Variants in LSAMP observed in about 807,000 individuals in gnomAD.
LSAMP encodes the protein limbic system associated membrane protein, also known as limbic system-associated membrane protein.
Under a neutral mutation model 38.6 loss-of-function variants are expected in LSAMP, and 7 were observed. That is an observed-to-expected ratio of 0.18 (90% CI 0.10 to 0.34). The LOEUF (loss-of-function observed/expected upper bound fraction) is 0.34, where lower values mean the gene tolerates loss of function less well. LSAMP is among the 10% of genes least tolerant of loss of function. The pLI is 1.00. For missense variants in LSAMP, 313 were observed against 420.0 expected, an observed-to-expected ratio of 0.75 and a Z score of 2.23; for synonymous variants, 154 against 166.8, an observed-to-expected ratio of 0.92 and a Z score of 0.59.
chr3:116,188,721 T>G (rs1710682852), intron 1 of LSAMP, among the ~76,000 whole-genome samples: 1 of 152,238 alleles, frequency 6.6e-6, no homozygotes, highest in Non-Finnish European at 1.5e-5. Context: ...AACATGTATT[T>G]CTTGAGCTTC....
chr3:116,199,934 G>T (rs2045966993), intron 1 of LSAMP, among the ~76,000 whole-genome samples: 1 of 152,006 alleles, frequency 6.6e-6, no homozygotes, highest in African/African-American at 2.4e-5. Context: ...ATTTTAGGAA[G>T]ACAGAAACTT....
chr3:116,177,827 A>G (rs1710386746), intron 1 of LSAMP, among the ~76,000 whole-genome samples: 1 of 152,132 alleles, frequency 6.6e-6, no homozygotes, highest in African/African-American at 2.4e-5. Flanking sequence ...CCTAGTTATT[A>G]TGGGGATGAA....
chr3:115,898,804 T>A (rs1251680829), intron 3 of LSAMP, among the ~76,000 whole-genome samples: 1 of 151,968 alleles, frequency 6.6e-6, no homozygotes, highest in Non-Finnish European at 1.5e-5. Flanking sequence ...TTGTGAGGCA[T>A]CTCCAGTGGT....
chr3:116,225,957 C>T (rs1204695237), intron 1 of LSAMP, among the ~76,000 whole-genome samples: 1 of 152,158 alleles, frequency 6.6e-6, no homozygotes, highest in African/African-American at 2.4e-5. Flanking sequence ...CTTGTATTGG[C>T]TCTTTTTGCA....
chr3:116,027,082 A>G (rs1417277641), intron 2 of LSAMP, among the ~76,000 whole-genome samples: 2 of 152,202 alleles, frequency 1.3e-5, no homozygotes, highest in Admixed American at 6.5e-5. Flanking sequence ...CATGAGACAC[A>G]TTTATAAGAA....
chr3:116,163,508 C>T (rs1056036460), intron 1 of LSAMP, among the ~76,000 whole-genome samples: 31 of 151,588 alleles, frequency 2.0e-4, no homozygotes, highest in African/African-American at 7.5e-4. Flanking sequence ...CAAGTCTTTG[C>T]TATTGTGAAT....
intron 3 of LSAMP, among the ~76,000 whole-genome samples, chr3:115,939,530 C>CTCTTTCTCTTTCTT (rs1553751053): frequency 2.7e-4 from 27 of 99,720 alleles, no homozygotes; most frequent in African/African-American, 9.3e-4. Context: ...TGTTCTCTTT[C>CTCTTTCTCTTTCTT]TCTTTCTTTC....
chr3:116,330,555 C>G (rs73149187), intron 1 of LSAMP, among the ~76,000 whole-genome samples: 92 of 152,192 alleles, frequency 6.0e-4, no homozygotes, highest in Admixed American at 1.6e-3. Flanking sequence ...TGCTCCCCCC[C>G]CCACAACCTT....
chr3:116,381,807 C>G lies in LSAMP; in HGVS notation c.155+63070G>C, dbSNP rs550336427. Among the ~76,000 whole-genome samples, 3 of 152,106 alleles carry G rather than the reference C, an allele frequency of 2.0e-5. No individual in the cohort carries two copies. In the East Asian group the frequency reaches 5.8e-4, roughly 29 times the overall value. On this transcript the variant is annotated intron_variant, in intron 1 of 6. Coordinates refer to ENST00000490035, the MANE Select transcript of LSAMP (RefSeq NM_002338.5). ...TTACTTATCTGGATATGTTAACATC[C>G]CCTCTTAGGAGCATCGGCATGTGAA...
At chr3:116,253,420 A>G (rs1224405506) in intron 1 of LSAMP, among the ~76,000 whole-genome samples, 3 of 152,194 alleles carry the variant, frequency 2.0e-5, no homozygotes, top group African/African-American at 7.2e-5. Context: ...TTCCTAGAAC[A>G]TTACATATAG....
At chr3:115,893,407 C>T (rs1936649854) in intron 3 of LSAMP, among the ~76,000 whole-genome samples, 2 of 151,958 alleles carry the variant, frequency 1.3e-5, no homozygotes, top group South Asian at 4.1e-4. Flanking sequence ...GAGTGATCAG[C>T]ACAAAAGAAA....
chr3:116,103,976 T>C (rs1708407413), intron 1 of LSAMP, among the ~76,000 whole-genome samples: 1 of 152,186 alleles, frequency 6.6e-6, no homozygotes, highest in Non-Finnish European at 1.5e-5. Context: ...AAATAGGAAC[T>C]TTATGAAATA....
At position 116,441,043 on chromosome 3, in the gene LSAMP, CT is replaced by C. The variant is rs1382570221; in HGVS notation, c.155+3833del. Among the ~76,000 whole-genome samples, 3 of 152,150 alleles carry C rather than the reference CT, an allele frequency of 2.0e-5. No homozygotes were observed. The East Asian group carries it at 5.8e-4, about 29-fold the overall frequency. Reference sequence around the variant, plus strand: ...ATCAAATCTCCTTTTGTTGTTTCTTCTTTTCCCCCCTTGGTGTAGAAACAAA... The same window carrying C: ...ATCAAATCTCCTTTTGTTGTTTCTTCTTTCCCCCCTTGGTGTAGAAACAAA... On this transcript the variant is annotated intron_variant, in intron 1 of 6. Transcript: ENST00000490035.
At chr3:115,932,759 C>G (rs141269438) in intron 3 of LSAMP, among the ~76,000 whole-genome samples, 1,786 of 152,262 alleles carry the variant, frequency 0.012, 27 homozygotes, top group Non-Finnish European at 0.018. Flanking sequence ...TGATATGTAT[C>G]TAATGACTTC....
chr3:116,356,817 G>A (rs1020819803), intron 1 of LSAMP, among the ~76,000 whole-genome samples: 3 of 151,276 alleles, frequency 2.0e-5, no homozygotes, highest in South Asian at 2.1e-4. Context: ...TTTTTGAGAC[G>A]GAGTCTCGCT....
intron 2 of LSAMP, among the ~76,000 whole-genome samples, chr3:116,030,850 C>T (rs910163128): frequency 3.3e-5 from 5 of 152,086 alleles, no homozygotes; most frequent in Admixed American, 6.6e-5. Flanking sequence ...GATGAAAATT[C>T]GGGTTGCATT....
chr3:115,899,815 A>T (rs773490161), intron 3 of LSAMP, among the ~76,000 whole-genome samples: 25 of 152,174 alleles, frequency 1.6e-4, no homozygotes, highest in Non-Finnish European at 2.8e-4. Flanking sequence ...CTTACTGTCG[A>T]CAACAGAAGT....
chr3:116,296,844 C>T (rs1023534830), intron 1 of LSAMP, among the ~76,000 whole-genome samples: 1 of 151,760 alleles, frequency 6.6e-6, no homozygotes, highest in African/African-American at 2.4e-5. Context: ...GAATCTGCAA[C>T]CATGAAAGAA....
chr3:116,134,925 T>C lies in LSAMP; in HGVS notation c.156-48369A>G, dbSNP rs576512305. ...CTATGGGAATCCACATTAATATATC[T>C]TTCTGAAATTTTGCTGGGCTCTCAA... On this transcript the variant is annotated intron_variant, in intron 1 of 6. Transcript: ENST00000490035. 4.6e-5 allele frequency among the ~76,000 whole-genome samples: 7 copies of C among 152,316 alleles called. No individual in the cohort carries two copies. In the South Asian group the frequency reaches 1.0e-3, roughly 23 times the overall value.
Sources: gnomAD v4.1 joint callset for allele counts (sites outside exome capture counted in the v4.1 genomes callset) on GRCh38, gnomAD v4.1.1 for gene constraint, MANE v1.5 for transcripts, NCBI Gene and HGNC (gene_info 2026-07-23, HGNC 2026-07-21) for gene names.